DYM: variants seen among roughly 807,000 people sequenced by gnomAD.
The protein encoded by DYM is dymeclin.
Under a neutral mutation model 93.1 loss-of-function variants are expected in DYM, and 78 were observed. That is an observed-to-expected ratio of 0.84 (90% confidence interval 0.70 to 1.01). DYM has a LOEUF of 1.01. DYM is among the 50% of genes least tolerant of loss of function. The probability of loss-of-function intolerance (pLI) is 0.00; values close to 1 mark genes in which losing one functional copy is unlikely to be tolerated. For missense variants in DYM, 789 were observed against 845.0 expected, an observed-to-expected ratio of 0.93 and a Z score of 0.82; for synonymous variants, 321 against 319.7, an observed-to-expected ratio of 1.00 and a Z score of -0.04.
intron 1 of DYM, among the ~76,000 whole-genome samples, chr18:49,430,993 T>A (rs1162107878): frequency 6.6e-6 from 1 of 152,094 alleles, no homozygotes; most frequent in African/African-American, 2.4e-5. Context: ...TGGGCATAGC[T>A]CTACCCAAGA....
rs545416766 is a variant in DYM, at chr18:49,216,531, G to A, written c.1461-6816C>T. ...GTAGGGGCAGACTGACATCTCACAC[G>A]GCCGGGTACTCCTTTCAGACAAAAC... On this transcript the variant is annotated intron_variant, in intron 13 of 17. Transcript: ENST00000675505. Among the ~76,000 whole-genome samples, 159 of 152,220 alleles carry A rather than the reference G, an allele frequency of 1.0e-3. 1 individual carries two copies. Among genetic ancestry groups the A allele is most frequent in the Middle Eastern group, 6.8e-3 (2 of 294 alleles).
intron 10 of DYM, among the ~76,000 whole-genome samples, chr18:49,279,708 A>G (rs1166310109): frequency 6.6e-6 from 1 of 152,176 alleles, no homozygotes; most frequent in Non-Finnish European, 1.5e-5. Flanking sequence ...AGAATACAAC[A>G]TACTCAGAAT....
chr18:49,430,418 G>T lies in DYM; in HGVS notation c.-24C>A. ...ATCTTCTAGCTTAAGCAGATAATTT[G>T]TCCTTAAACCTGCATTTCCAAAAGA... On this transcript the variant is annotated 5_prime_UTR_variant, in exon 2 of 18. Transcript: ENST00000675505. 1 of 1,612,072 alleles carries T rather than the reference G, an allele frequency of 6.2e-7. No individual in the cohort carries two copies. The highest frequency in any genetic ancestry group is 8.5e-7 in the Non-Finnish European group (1 of 1,179,924).
At chr18:49,239,125 T>C (rs1205786873) in intron 13 of DYM, among the ~76,000 whole-genome samples, 1 of 152,186 alleles carries the variant, frequency 6.6e-6, no homozygotes, top group East Asian at 1.9e-4. Context: ...TTGCTCCTCT[T>C]CCATTTTGAC....
chr18:49,198,647 T>G (rs1419053488), intron 14 of DYM, among the ~76,000 whole-genome samples: 1 of 151,142 alleles, frequency 6.6e-6, no homozygotes, highest in Non-Finnish European at 1.5e-5. Context: ...TCACTGGCCA[T>G]CAGAGAAATG....
chr18:49,128,039 A>C (rs2082991571), intron 15 of DYM, among the ~76,000 whole-genome samples: 1 of 152,212 alleles, frequency 6.6e-6, no homozygotes, highest in Non-Finnish European at 1.5e-5. Context: ...GTTCTTTAAC[A>C]TACACTACTG....
intron 2 of DYM, among the ~76,000 whole-genome samples, chr18:49,419,415 C>T (rs1279869234): frequency 6.6e-6 from 1 of 151,638 alleles, no homozygotes; most frequent in Non-Finnish European, 1.5e-5. Context: ...TAATAATTAA[C>T]AAAACAAACT....
rs77381959 is a variant in DYM at position 49,438,833 on chromosome 18, T to A, written c.-53-8386A>T. 2.0e-5 allele frequency among the ~76,000 whole-genome samples: 3 copies of A among 152,236 alleles called. No homozygotes were observed. The East Asian group carries it at 5.8e-4, about 29-fold the overall frequency. On this transcript the variant is annotated intron_variant, in intron 1 of 17. Coordinates refer to ENST00000675505, the MANE Select transcript of DYM (RefSeq NM_001353214.3). The stretch of plus-strand genomic sequence containing the variant: ...AGCAAAGTAGAAAACTGAGCCCCAA[T>A]GGCATCTCTTCTGCAATGATTCCTG...
chr18:49,173,023 T>A (rs1052544500), intron 14 of DYM, among the ~76,000 whole-genome samples: 2 of 148,538 alleles, frequency 1.3e-5, no homozygotes, highest in African/African-American at 4.9e-5. Flanking sequence ...GTTTTTTTTT[T>A]AATTTGTGCA....
At chr18:49,361,583 C>T (rs1357339769) in intron 6 of DYM, among the ~76,000 whole-genome samples, 2 of 152,122 alleles carry the variant, frequency 1.3e-5, no homozygotes, top group Non-Finnish European at 2.9e-5. Flanking sequence ...TAATGGTTTG[C>T]GGTCCTCCAA....
intron 1 of DYM, 94 bp downstream of exon 1, chr18:49,460,304 G>C (rs1189846545): frequency 6.6e-6 from 1 of 152,146 alleles, no homozygotes; most frequent in African/African-American, 2.4e-5. Flanking sequence ...TGGCCGGGTT[G>C]CGGAGGGTGG....
At chr18:49,423,536 A>G (rs2073951548) in intron 2 of DYM, among the ~76,000 whole-genome samples, 1 of 152,230 alleles carries the variant, frequency 6.6e-6, no homozygotes, top group Non-Finnish European at 1.5e-5. Flanking sequence ...GCAAGAAATA[A>G]CTAAGATCGG....
intron 17 of DYM, among the ~76,000 whole-genome samples, chr18:49,067,851 C>G (rs961403250): frequency 1.3e-5 from 2 of 151,848 alleles, no homozygotes; most frequent in Non-Finnish European, 2.9e-5. Context: ...AATACTGAGC[C>G]CCCGAGATCT....
chr18:49,406,017 T>C (rs1355493637), intron 2 of DYM, among the ~76,000 whole-genome samples: 3 of 152,182 alleles, frequency 2.0e-5, no homozygotes, highest in African/African-American at 7.2e-5. Flanking sequence ...CTTGATTTGG[T>C]TGTCAGCTTG....
intron 1 of DYM, among the ~76,000 whole-genome samples, chr18:49,451,025 C>T (rs1335536282): frequency 6.6e-6 from 1 of 152,086 alleles, no homozygotes; most frequent in African/African-American, 2.4e-5. Flanking sequence ...TCAAGCAAAA[C>T]AAGAATTGAC....
chr18:49,238,784 T>C (rs1375439702), intron 13 of DYM, among the ~76,000 whole-genome samples: 1 of 143,298 alleles, frequency 7.0e-6, no homozygotes, highest in African/African-American at 2.6e-5. Flanking sequence ...AGAGTAAGAC[T>C]CCGTCTCAAA....
chr18:49,140,468 G>C (rs544902668), intron 15 of DYM, among the ~76,000 whole-genome samples: 115 of 152,224 alleles, frequency 7.6e-4, no homozygotes, highest in Non-Finnish European at 1.5e-3. Context: ...AGGCCATGTG[G>C]AGCTTCCTAT....
intron 13 of DYM, among the ~76,000 whole-genome samples, chr18:49,236,750 C>A (rs1057259022): frequency 5.9e-5 from 9 of 152,148 alleles, no homozygotes; most frequent in Admixed American, 1.3e-4. Flanking sequence ...AAGGCCACTC[C>A]GTAGGAGCCG....
At chr18:49,449,874 C>T (rs941042495) in intron 1 of DYM, among the ~76,000 whole-genome samples, 1 of 152,128 alleles carries the variant, frequency 6.6e-6, no homozygotes, top group African/African-American at 2.4e-5. Context: ...GTCCTAGACT[C>T]CACACCTGGT....
Sources: gnomAD v4.1 joint callset for allele counts (sites outside exome capture counted in the v4.1 genomes callset) on GRCh38, gnomAD v4.1.1 for gene constraint, MANE v1.5 for transcripts, NCBI Gene and HGNC (gene_info 2026-07-23, HGNC 2026-07-21) for gene names.